TLK1: variants seen among roughly 807,000 people sequenced by gnomAD.
TLK1 encodes serine/threonine-protein kinase tousled-like 1.
A neutral mutation model predicts 105.3 loss-of-function variants in TLK1; 24 were observed. The observed-to-expected ratio is 0.23, with a 90% confidence interval of 0.17 to 0.32. The LOEUF (loss-of-function observed/expected upper bound fraction) is 0.32. Among genes scored for constraint, TLK1 ranks in the 10% least tolerant of loss-of-function variants. The pLI is 1.00. For missense variants in TLK1, 558 were observed against 910.5 expected (o/e 0.61, Z 4.98); for synonymous variants, 321 against 310.4 (o/e 1.03, Z -0.36).
chr2:171,088,988 G>T (rs1242120900), intron 2 of TLK1, among the ~76,000 whole-genome samples: 1 of 152,188 alleles, frequency 6.6e-6, no homozygotes, highest in African/African-American at 2.4e-5. Context: ...GGGCTCAAGT[G>T]ATTCTGCCTC....
chr2:171,139,655 GGC>G (rs1691485739), intron 1 of TLK1, among the ~76,000 whole-genome samples: 1 of 151,952 alleles, frequency 6.6e-6, no homozygotes, highest in Non-Finnish European at 1.5e-5. Context: ...AGGCATCAAA[GGC>G]AAAAATAGTT....
intron 1 of TLK1, among the ~76,000 whole-genome samples, chr2:171,184,535 G>A (rs893443816): frequency 6.6e-6 from 1 of 151,580 alleles, no homozygotes; most frequent in Non-Finnish European, 1.5e-5. Context: ...CCAGCTACTA[G>A]GGAGGCTGAG....
At chr2:171,187,057 CAAAAAAAAAAAA>C (rs71013019) in intron 1 of TLK1, among the ~76,000 whole-genome samples, 8 of 34,034 alleles carry the variant, frequency 2.4e-4, no homozygotes, top group Non-Finnish European at 4.9e-5. Context: ...GACTCTGTCT[CAAAAAAAAAAAA>C]AAAAAAAAAA....
At chr2:171,131,868 T>C (rs1459218532) in intron 1 of TLK1, among the ~76,000 whole-genome samples, 3 of 152,160 alleles carry the variant, frequency 2.0e-5, no homozygotes, top group African/African-American at 4.8e-5. Context: ...TTACATTTTA[T>C]ACAGTGGTAG....
intron 1 of TLK1, among the ~76,000 whole-genome samples, chr2:171,180,052 A>G (rs562501955): frequency 1.4e-4 from 21 of 150,436 alleles, no homozygotes; most frequent in South Asian, 6.4e-4. Context: ...CTGAGATCTC[A>G]CGACTGCACT....
intron 14 of TLK1, among the ~76,000 whole-genome samples, chr2:171,010,101 AC>A (rs1684836490): frequency 1.3e-5 from 2 of 152,212 alleles, no homozygotes; most frequent in Admixed American, 6.5e-5. Flanking sequence ...CCAAAAGAAG[AC>A]AATCAGCTAT....
chr2:171,009,156 AC>A (rs1469991167), intron 14 of TLK1, among the ~76,000 whole-genome samples: 1 of 152,204 alleles, frequency 6.6e-6, no homozygotes, highest in African/African-American at 2.4e-5. Flanking sequence ...ATCTAAGTTA[AC>A]AAAAAATAGT....
intron 1 of TLK1, among the ~76,000 whole-genome samples, chr2:171,137,858 T>A (rs1264704926): frequency 2.4e-4 from 36 of 149,752 alleles, no homozygotes; most frequent in African/African-American, 5.2e-4. Context: ...CAAAAAAAAA[T>A]AAAATAAAAT....
At chr2:171,079,764 A>G (rs1688667001) in intron 3 of TLK1, among the ~76,000 whole-genome samples, 1 of 152,226 alleles carries the variant, frequency 6.6e-6, no homozygotes, top group African/African-American at 2.4e-5. Context: ...AACAATGACA[A>G]TTGGATGCTT....
intron 18 of TLK1, among the ~76,000 whole-genome samples, chr2:171,005,595 G>A (rs1684614657): frequency 6.6e-6 from 1 of 152,076 alleles, no homozygotes; most frequent in African/African-American, 2.4e-5. Context: ...GATTAGCTGG[G>A]CATAGTGGTG....
chr2:171,142,991 A>G (rs1382577862), intron 1 of TLK1, among the ~76,000 whole-genome samples: 1 of 152,158 alleles, frequency 6.6e-6, no homozygotes, highest in Non-Finnish European at 1.5e-5. Flanking sequence ...TGAACCCAGA[A>G]TCACTTGAAC....
At position 171,220,089 on chromosome 2, in the gene TLK1, G is replaced by A. The variant is rs376132196; in HGVS notation, c.-6+11056C>T. ...TTTGAAAGACTCTGATTGCATTTAG[G>A]GCATACCTGGACAACTCAGAATAAT... On this transcript the variant is annotated intron_variant, in intron 1 of 20. Coordinates refer to the TLK1 transcript ENST00000521943. 2.6e-5 allele frequency among the ~76,000 whole-genome samples: 4 copies of A among 152,072 alleles called. No individual in the cohort carries two copies. The South Asian group carries it at 6.3e-4, about 24-fold the overall frequency.
chr2:171,138,496 C>A (rs1007421408), intron 1 of TLK1, among the ~76,000 whole-genome samples: 3 of 152,112 alleles, frequency 2.0e-5, no homozygotes, highest in Non-Finnish European at 4.4e-5. Flanking sequence ...AAATCCCAAT[C>A]ATTTTTTTCT....
intron 1 of TLK1, among the ~76,000 whole-genome samples, chr2:171,153,575 T>A (rs1692124481): frequency 6.6e-6 from 1 of 152,188 alleles, no homozygotes; most frequent in Admixed American, 6.5e-5. Flanking sequence ...TTCAAGACCT[T>A]TCTGTCTAGT....
intron 3 of TLK1, among the ~76,000 whole-genome samples, chr2:171,071,118 T>G (rs1688233645): frequency 6.6e-6 from 1 of 152,184 alleles, no homozygotes; most frequent in African/African-American, 2.4e-5. Flanking sequence ...TTAGATTGGA[T>G]TATCATATGT....
At chr2:171,107,284 A>T (rs1689969651) in intron 2 of TLK1, among the ~76,000 whole-genome samples, 1 of 152,224 alleles carries the variant, frequency 6.6e-6, no homozygotes, top group Non-Finnish European at 1.5e-5. Context: ...TATGGTGGTG[A>T]GAAATGGTGT....
rs1481346917 is a variant in TLK1 at position 171,038,562 on chromosome 2, C to A, written c.1169+7612G>T. On this transcript the variant is annotated intron_variant, in intron 11 of 20. Coordinates refer to ENST00000431350, the MANE Select transcript of TLK1 (RefSeq NM_012290.5). The stretch of plus-strand genomic sequence containing the variant: ...TTGAAATCTTTCATTTCAGAATTTT[C>A]TCTCATTTCCATTGGCACTTTTCCA... Among the ~76,000 whole-genome samples, 5 of 152,068 alleles carry A rather than the reference C, an allele frequency of 3.3e-5. No homozygotes were observed. The South Asian group carries it at 1.0e-3, about 31-fold the overall frequency.
chr2:171,203,804 C>T (rs572177002), intron 1 of TLK1, among the ~76,000 whole-genome samples: 2 of 152,218 alleles, frequency 1.3e-5, no homozygotes, highest in South Asian at 2.1e-4. Flanking sequence ...AATCTCAGCA[C>T]TTTGGGAGGC....
At chr2:171,037,860 C>T (rs1260051582) in intron 11 of TLK1, among the ~76,000 whole-genome samples, 12 of 152,192 alleles carry the variant, frequency 7.9e-5, no homozygotes, top group African/African-American at 2.2e-4. Context: ...AAGATTATGT[C>T]GGCCTCAGAA....
Sources: gnomAD v4.1 joint callset for allele counts (sites outside exome capture counted in the v4.1 genomes callset) on GRCh38, gnomAD v4.1.1 for gene constraint, MANE v1.5 for transcripts, NCBI Gene and HGNC (gene_info 2026-07-23, HGNC 2026-07-21) for gene names.